The following EPG5 variants were observed in gnomAD, a reference collection of about 807,000 sequenced individuals.
EPG5 encodes ectopic P-granules 5 autophagy tethering factor.
A neutral mutation model predicts 302.7 loss-of-function variants in EPG5; 159 were observed. The observed-to-expected ratio is 0.53, with a 90% CI of 0.46 to 0.60. The LOEUF (loss-of-function observed/expected upper bound fraction) is 0.60. Among genes scored for constraint, EPG5 ranks in the 20% least tolerant of loss-of-function variants. The pLI is 0.00. For missense variants in EPG5, 2,896 were observed against 3,092.4 expected (o/e 0.94, Z 1.51); for synonymous variants, 1,158 against 1,136.8 (o/e 1.02, Z -0.37).
chr18:45,944,969 G>A (rs561758830), intron 7 of EPG5, among the ~76,000 whole-genome samples: 38 of 152,158 alleles, frequency 2.5e-4, no homozygotes, highest in Admixed American at 5.9e-4. Context: ...AAATCTTTGC[G>A]GTCTTTTCGT....
chr18:45,915,648 G>A (rs776019339), intron 19 of EPG5, 27 bp from the exon 20 acceptor site: 1 of 1,575,570 alleles, frequency 6.3e-7, no homozygotes, highest in Admixed American at 1.7e-5. Context: ...GGAGCAGAGA[G>A]AGGAGGTTTT....
chr18:45,879,880 T>A (rs2049053367), intron 32 of EPG5, among the ~76,000 whole-genome samples, 195 bp downstream of exon 32: 1 of 151,878 alleles, frequency 6.6e-6, no homozygotes, highest in Non-Finnish European at 1.5e-5. Flanking sequence ...CTTGGATACA[T>A]GGGCAAGAAT....
intron 2 of EPG5, chr18:45,953,182 T>C (rs2050950299): frequency 1.6e-6 from 1 of 618,784 alleles, no homozygotes; most frequent in African/African-American, 2.0e-5. Flanking sequence ...AAAAAAAAAG[T>C]AGTAGTCAGC....
chr18:45,813,526 G>A, the EPG5 span, among the ~76,000 whole-genome samples: 2 of 152,152 alleles, frequency 1.3e-5, no homozygotes, highest in African/African-American at 4.8e-5. Flanking sequence ...CAAATGTCCA[G>A]CAATGACAGA....
At chr18:45,910,424 A>T in intron 23 of EPG5, 97 bp downstream of exon 23, 1 of 876,912 alleles carries the variant, frequency 1.1e-6, no homozygotes, top group Non-Finnish European at 1.8e-6. Context: ...AACCGTGTTA[A>T]GAGAATAACA....
At chr18:45,868,235 T>C in intron 36 of EPG5, 1 of 452,938 alleles carries the variant, frequency 2.2e-6, no homozygotes, top group South Asian at 1.6e-5. Flanking sequence ...GGAGCCAGAA[T>C]GTGTAAGTTC....
Position 45,946,711 on chromosome 18 carries a change from T to C in EPG5, c.1629A>G (p.Ser543=). Reference sequence around the variant, plus strand: ...GCGTCCAAGTCCCAGACCCAGGCCCTGAGGAGGATGGCTTCCGCTCGCTGG... The same window carrying C: ...GCGTCCAAGTCCCAGACCCAGGCCCCGAGGAGGATGGCTTCCGCTCGCTGG... ...MKPSERKPSS[S]GPGSGTWTLV... Residue 543 remains serine (S), a synonymous_variant, in exon 7 of 44, where the codon TCA becomes TCG. Coordinates refer to ENST00000282041, the MANE Select transcript of EPG5 (RefSeq NM_020964.3). The C allele has an allele frequency of 6.2e-7, 1 of 1,614,174 alleles. No homozygotes were observed. Among genetic ancestry groups the C allele is most frequent in the Non-Finnish European group, 8.5e-7 (1 of 1,180,026 alleles).
chr18:45,822,015 G>C, the EPG5 span, among the ~76,000 whole-genome samples: 11 of 152,148 alleles, frequency 7.2e-5, no homozygotes, highest in African/African-American at 2.4e-4. Flanking sequence ...ACTACAAATA[G>C]AACTACTATA....
intron 16 of EPG5, among the ~76,000 whole-genome samples, chr18:45,921,241 T>C (rs1429540992): frequency 3.3e-5 from 5 of 152,220 alleles, no homozygotes; most frequent in Admixed American, 2.6e-4. Context: ...CTACAGCTGA[T>C]TGCAACTGGT....
At chr18:45,837,935 C>T in the EPG5 span, 107 of 1,444,690 alleles carry the variant, frequency 7.4e-5, no homozygotes, top group Admixed American at 2.7e-3. Context: ...CCTCCCTTCC[C>T]GCCCTCCCGC....
intron 1 of EPG5, among the ~76,000 whole-genome samples, chr18:45,959,749 G>A (rs2051108618): frequency 6.6e-6 from 1 of 152,276 alleles, no homozygotes. Context: ...CGAGGCTGAG[G>A]TGGGTGGATC....
chr18:45,867,472 A>C, intron 37 of EPG5, 91 bp downstream of exon 37: 1 of 1,004,334 alleles, frequency 1.0e-6, no homozygotes, highest in Non-Finnish European at 1.5e-6. Context: ...TGATAGGGGC[A>C]CTGGAAAAAC....
chr18:45,821,405 A>T, the EPG5 span, among the ~76,000 whole-genome samples: 1 of 152,240 alleles, frequency 6.6e-6, no homozygotes, highest in African/African-American at 2.4e-5. Flanking sequence ...TAATGAATGA[A>T]TATATACTAA....
intron 36 of EPG5, among the ~76,000 whole-genome samples, chr18:45,869,754 A>C (rs1192103902): frequency 2.6e-5 from 4 of 152,170 alleles, no homozygotes; most frequent in Middle Eastern, 3.2e-3. Context: ...GGTTCCATTA[A>C]GGGCACTAAA....
intron 27 of EPG5, among the ~76,000 whole-genome samples, chr18:45,897,728 T>C (rs1360061058): frequency 2.6e-5 from 4 of 152,170 alleles, no homozygotes; most frequent in Non-Finnish European, 4.4e-5. Flanking sequence ...AATACAACTA[T>C]GTTGAAAAAT....
intron 1 of EPG5, among the ~76,000 whole-genome samples, chr18:45,962,577 T>C (rs1389293884): frequency 3.3e-5 from 5 of 152,176 alleles, no homozygotes; most frequent in Admixed American, 2.0e-4. Flanking sequence ...CATCAGGTGA[T>C]AAGCACCACA....
intron 35 of EPG5, among the ~76,000 whole-genome samples, chr18:45,873,396 G>T (rs1349396265): frequency 6.6e-6 from 1 of 152,006 alleles, no homozygotes; most frequent in African/African-American, 2.4e-5. Flanking sequence ...TGTAGTCCCA[G>T]CTACTCGGGA....
chr18:45,831,984 G>A, the EPG5 span, among the ~76,000 whole-genome samples: 8 of 152,246 alleles, frequency 5.3e-5, no homozygotes, highest in South Asian at 2.1e-4. Context: ...CACCTGCCTC[G>A]GCCTCCCAAA....
chr18:45,898,820 T>C (rs2049537075), intron 27 of EPG5, among the ~76,000 whole-genome samples: 1 of 152,140 alleles, frequency 6.6e-6, no homozygotes, highest in Non-Finnish European at 1.5e-5. Flanking sequence ...AACTGTATCA[T>C]CACCAAAGTC....
Sources: allele counts gnomAD v4.1 joint callset (sites outside exome capture counted in the v4.1 genomes callset), GRCh38; gene constraint gnomAD v4.1.1; transcripts MANE v1.5; gene names NCBI Gene and HGNC (gene_info 2026-07-23, HGNC 2026-07-21).